Variants in NUP93 observed in about 807,000 individuals in gnomAD.
NUP93 encodes nuclear pore complex protein Nup93.
A neutral mutation model predicts 107.8 loss-of-function variants in NUP93; 55 were observed. That is an observed-to-expected ratio of 0.51 (90% CI 0.41 to 0.64). The LOEUF (loss-of-function observed/expected upper bound fraction) is 0.64, where lower values mean the gene tolerates loss of function less well. Among genes scored for constraint, NUP93 ranks in the 30% least tolerant of loss-of-function variants. NUP93 has a pLI of 0.00. For synonymous variants in NUP93, 390 were observed against 397.5 expected (o/e 0.98, Z 0.22); for missense variants, 937 against 1,044.7 (o/e 0.90, Z 1.42).
In NUP93 at chr16:56,818,728, A is replaced by G. The variant is rs184256098; in HGVS notation, c.554A>G (p.Tyr185Cys). The G allele has an allele frequency of 5.6e-6, 9 of 1,613,942 alleles. No individual in the cohort carries two copies. The highest frequency in any genetic ancestry group is 1.6e-4 in the Middle Eastern group (1 of 6,062). Residue 185 changes from tyrosine (Y) to cysteine (C), a missense_variant, in exon 6 of 22, where the codon TAT becomes TGT. Coordinates refer to ENST00000308159, the MANE Select transcript of NUP93 (RefSeq NM_014669.5). ...TCTCTGGATAACATCGAGATGGCCT[A>G]TGCGCGGCAAGTGAGTGTGATTTTA... ...RSSLDNIEMA[Y>C]ARQIYIYNEK...
At chr16:56,754,704 G>A (rs1252809116) in intron 2 of NUP93, among the ~76,000 whole-genome samples, 1 of 152,212 alleles carries the variant, frequency 6.6e-6, no homozygotes, top group African/African-American at 2.4e-5. Context: ...ACCATTCTGA[G>A]TTCTGGAGGA....
intron 1 of NUP93, among the ~76,000 whole-genome samples, chr16:56,733,099 G>GT (rs1421000722): frequency 6.6e-6 from 1 of 152,156 alleles, no homozygotes; most frequent in African/African-American, 2.4e-5. Flanking sequence ...TACTTAGCAT[G>GT]TACAGGAGTA....
At chr16:56,781,559 A>G (rs1962514958) in intron 3 of NUP93, 1 of 152,336 alleles carries the variant, frequency 6.6e-6, no homozygotes, top group Non-Finnish European at 1.5e-5. Context: ...GACCAGCTTC[A>G]CAACTGGTGT....
At chr16:56,824,072 TG>T (rs1162463340) in intron 8 of NUP93, among the ~76,000 whole-genome samples, 1 of 152,236 alleles carries the variant, frequency 6.6e-6, no homozygotes, top group African/African-American at 2.4e-5. Context: ...CAAAAAATCA[TG>T]GTAAATGAGC....
chr16:56,747,557 A>G (rs1961841244), intron 1 of NUP93, among the ~76,000 whole-genome samples: 1 of 152,198 alleles, frequency 6.6e-6, no homozygotes, highest in Admixed American at 6.5e-5. Context: ...AGTATTAAAA[A>G]AAAAAAAAGA....
Position 56,838,102 on chromosome 16 carries a change from GGTGTC to G in NUP93, c.2018+380_2018+384del, listed in dbSNP as rs1437240928. Among the ~76,000 whole-genome samples, 3 of 152,200 alleles carry G rather than the reference GGTGTC, an allele frequency of 2.0e-5. No individual in the cohort carries two copies. In the East Asian group the frequency reaches 5.8e-4, roughly 29 times the overall value. On this transcript the variant is annotated intron_variant, in intron 18 of 21. Coordinates refer to ENST00000308159, the MANE Select transcript of NUP93 (RefSeq NM_014669.5). ...TGGTTGGATGGGGGAGATTCTTAGA[GGTGTC>G]GTGGCCAGTGTTTCAGACTACCTGG...
At chr16:56,813,515 T>G (rs1246122424) in intron 5 of NUP93, among the ~76,000 whole-genome samples, 1 of 152,196 alleles carries the variant, frequency 6.6e-6, no homozygotes, top group East Asian at 1.9e-4. Flanking sequence ...AGTGCTCTGC[T>G]GCTCTTTCAA....
At position 56,797,013 on chromosome 16, in the gene NUP93, G is replaced by A. The variant is rs189196296; in HGVS notation, c.298-1463G>A. On this transcript the variant is annotated intron_variant, in intron 3 of 21. Coordinates refer to ENST00000308159, the MANE Select transcript of NUP93 (RefSeq NM_014669.5). ...CACGAGGCTGGGTGCGGTGGCTTACGCCGGTAATCCCAGCACTTTGGGAGG... is the reference window on the plus strand; with the variant it reads ...CACGAGGCTGGGTGCGGTGGCTTACACCGGTAATCCCAGCACTTTGGGAGG... Among the ~76,000 whole-genome samples the A allele has an allele frequency of 2.8e-4, 42 of 151,276 alleles. No individual in the cohort carries two copies. In the East Asian group the frequency reaches 6.8e-3, roughly 25 times the overall value.
In NUP93 at chr16:56,820,693, A is replaced by T. The variant is rs1167000228; in HGVS notation, c.565-811A>T. On this transcript the variant is annotated intron_variant, in intron 6 of 21. Coordinates refer to ENST00000308159, the MANE Select transcript of NUP93 (RefSeq NM_014669.5). ...CCCCATTTAATGTAGAGGAAACTAC[A>T]GTTCAACAGGGTCATGATTTGTCTA... Among the ~76,000 whole-genome samples, 5 of 152,238 alleles carry T rather than the reference A, an allele frequency of 3.3e-5. No homozygotes were observed. The South Asian group carries it at 8.3e-4, about 25-fold the overall frequency.
chr16:56,821,596 A>G lies in NUP93; in HGVS notation c.654+3A>G, dbSNP rs1299509530. ...CCGTCGCAGAGCTCGATGATAAGGTAGCACCTAGAGCTAACTCAAGTAGAA... is the reference window on the plus strand; with the variant it reads ...CCGTCGCAGAGCTCGATGATAAGGTGGCACCTAGAGCTAACTCAAGTAGAA... On this transcript the variant is annotated splice_donor_region_variant and intron_variant, in intron 7 of 21. Coordinates refer to ENST00000308159, the MANE Select transcript of NUP93 (RefSeq NM_014669.5). 2.5e-6 allele frequency: 4 copies of G among 1,600,670 alleles called. No individual in the cohort carries two copies. The African/African-American group carries it at 4.0e-5, about 16-fold the overall frequency.
At chr16:56,764,847 GGTAAACA>G (rs1962190110) in intron 3 of NUP93, among the ~76,000 whole-genome samples, 1 of 152,154 alleles carries the variant, frequency 6.6e-6, no homozygotes, top group African/African-American at 2.4e-5. Context: ...AGTCTGAATG[GGTAAACA>G]GTATCTTAAT....
chr16:56,812,344 G>GT (rs1256451986), intron 5 of NUP93, among the ~76,000 whole-genome samples: 35 of 150,632 alleles, frequency 2.3e-4, no homozygotes, highest in African/African-American at 2.2e-4. Flanking sequence ...CTAGCAAGTT[G>GT]TTTTTTTTTC....
In NUP93 at chr16:56,808,847, C is replaced by CAT. The variant is rs559281657; in HGVS notation, c.489+3224_489+3225dup. ...ATATATAAATATATATATAAATACA[C>CAT]ATATATATATGCAGTGTGGTTGTAT... On this transcript the variant is annotated intron_variant, in intron 5 of 21. Transcript: ENST00000308159. Among the ~76,000 whole-genome samples the CAT allele has an allele frequency of 2.3e-3, 337 of 146,400 alleles. 2 individuals are homozygous for CAT. Among genetic ancestry groups the CAT allele is most frequent in the African/African-American group, 7.5e-3 (302 of 40,188 alleles).
At chr16:56,756,015 A>G (rs1372150430) in intron 2 of NUP93, among the ~76,000 whole-genome samples, 3 of 152,166 alleles carry the variant, frequency 2.0e-5, no homozygotes, top group African/African-American at 4.8e-5. Context: ...TTTGAGTCCA[A>G]TATTAATCAC....
intron 1 of NUP93, among the ~76,000 whole-genome samples, chr16:56,733,994 A>G (rs917385462): frequency 6.6e-5 from 10 of 152,174 alleles, no homozygotes; most frequent in African/African-American, 1.2e-4. Context: ...TCCTTCATTC[A>G]TTTAACACAT....
chr16:56,820,149 C>T (rs7197076), intron 6 of NUP93, among the ~76,000 whole-genome samples: 105 of 152,330 alleles, frequency 6.9e-4, no homozygotes, highest in African/African-American at 2.4e-3. Flanking sequence ...TTTCATAGCA[C>T]ATACAACACC....
chr16:56,835,899 C>T (rs373277603), intron 16 of NUP93, among the ~76,000 whole-genome samples: 20 of 152,084 alleles, frequency 1.3e-4, no homozygotes, highest in African/African-American at 4.6e-4. Context: ...GAGGCCGAGG[C>T]GGGTGGATCA....
chr16:56,808,494 C>CTA lies in NUP93; in HGVS notation c.489+2867_489+2868dup, dbSNP rs1229901626. 2.7e-5 allele frequency among the ~76,000 whole-genome samples: 3 copies of CTA among 112,378 alleles called. No homozygotes were observed. The Admixed American group carries it at 3.0e-4, about 11-fold the overall frequency. The allele number at this position is 112,378 out of a possible 152,430, so 73.7% of individuals were successfully genotyped here. A position where few individuals can be genotyped will look rare whatever the true frequency, so the allele number is the denominator to read the frequency against. ...AACTATAAAATATATAGTTATGTAACTATATAAATATATAGTTATGTAACT... is the reference window on the plus strand; with the variant it reads ...AACTATAAAATATATAGTTATGTAACTATATATAAATATATAGTTATGTAACT... On this transcript the variant is annotated intron_variant, in intron 5 of 21. Coordinates refer to ENST00000308159, the MANE Select transcript of NUP93 (RefSeq NM_014669.5).
At chr16:56,813,858 G>T (rs1963365636) in intron 5 of NUP93, among the ~76,000 whole-genome samples, 1 of 152,178 alleles carries the variant, frequency 6.6e-6, no homozygotes, top group Non-Finnish European at 1.5e-5. Flanking sequence ...TCCAGCCTAT[G>T]TGTGGCCCAA....
Sources: gnomAD v4.1 joint callset for allele counts (sites outside exome capture counted in the v4.1 genomes callset) on GRCh38, gnomAD v4.1.1 for gene constraint, MANE v1.5 for transcripts, NCBI Gene and HGNC (gene_info 2026-07-23, HGNC 2026-07-21) for gene names.